PNKD: variants seen among roughly 807,000 people sequenced by gnomAD.
The protein encoded by PNKD is probable thioesterase PNKD.
A neutral mutation model predicts 45.3 loss-of-function variants in PNKD; 36 were observed. The observed-to-expected ratio is 0.80, with a 90% CI of 0.61 to 1.05. The LOEUF (loss-of-function observed/expected upper bound fraction) is 1.05, where lower values mean the gene tolerates loss of function less well. Among genes scored for constraint, PNKD ranks in the 50% least tolerant of loss-of-function variants. The pLI, the probability that PNKD is intolerant of heterozygous loss-of-function variation, is 0.00. For synonymous variants in PNKD, 197 were observed against 210.1 expected (o/e 0.94, Z 0.54); for missense variants, 511 against 506.6 (o/e 1.01, Z -0.08).
intron 2 of PNKD, among the ~76,000 whole-genome samples, chr2:218,312,265 G>A (rs1693636359): frequency 6.6e-6 from 1 of 152,196 alleles, no homozygotes; most frequent in African/African-American, 2.4e-5. Flanking sequence ...TGTTGTGAGA[G>A]CTGAGGGTTA....
intron 7 of PNKD, 104 bp downstream of exon 7, chr2:218,342,248 A>G: frequency 1.1e-6 from 1 of 946,700 alleles, no homozygotes; most frequent in South Asian, 1.4e-5. Flanking sequence ...TTTAGCACAG[A>G]TGTTGCCGTG....
chr2:218,343,125 A>AGG (rs150190908), intron 7 of PNKD, among the ~76,000 whole-genome samples: 12,266 of 152,024 alleles, frequency 0.081, 1,108 homozygotes, highest in African/African-American at 0.22. Context: ...CAGCTAGGTG[A>AGG]GTGGGTGGGT....
chr2:218,338,908 T>C (rs79051868), intron 2 of PNKD, among the ~76,000 whole-genome samples: 16,593 of 150,488 alleles, frequency 0.11, 1,059 homozygotes, highest in Non-Finnish European at 0.14. Flanking sequence ...TCCTCCTGCC[T>C]CAGCTACCTG....
chr2:218,308,724 T>A (rs1394679496), intron 2 of PNKD, among the ~76,000 whole-genome samples: 1 of 151,814 alleles, frequency 6.6e-6, no homozygotes, highest in Non-Finnish European at 1.5e-5. Flanking sequence ...GTAGCTGGGA[T>A]TACAGGAGCT....
chr2:218,345,126 A>G lies in PNKD; in HGVS notation c.*145A>G. The G allele has an allele frequency of 1.5e-6, 1 of 674,272 alleles. No homozygotes were observed. Among genetic ancestry groups the G allele is most frequent in the Non-Finnish European group, 2.5e-6 (1 of 397,370 alleles). 41.8% of individuals were successfully genotyped at this position (674,272 alleles called of 1,614,324 possible). A position where few individuals can be genotyped will look rare whatever the true frequency, so the allele number is the denominator to read the frequency against. On this transcript the variant is annotated 3_prime_UTR_variant, in exon 10 of 10. Coordinates refer to ENST00000273077, the MANE Select transcript of PNKD (RefSeq NM_015488.5). ...CCCCCCACACTGCTCAGGGGAGGGG[A>G]GGGATCAGGCGATGAGACTGTGAGG...
Position 218,340,895 on chromosome 2 carries a change from G to A in PNKD, c.524+109G>A. 4 of 886,860 alleles carry A rather than the reference G, an allele frequency of 4.5e-6. No individual in the cohort carries two copies. Among genetic ancestry groups the A allele is most frequent in the Middle Eastern group, 2.2e-4 (1 of 4,614 alleles). The allele number at this position is 886,860 out of a possible 1,614,324, so 54.9% of individuals were successfully genotyped here. On this transcript the variant is annotated intron_variant, in intron 5 of 9. Coordinates refer to ENST00000273077, the MANE Select transcript of PNKD (RefSeq NM_015488.5). This position sits in a 1 kb window ranked among gnomAD's most constrained non-coding sequence, Gnocchi z 4.2. ...GAGATCAAGAAGTCAGTACGGGCCG[G>A]CACCCGCCTTCCTCGTGAAGTCACC...
At chr2:218,272,739 G>T in intron 2 of PNKD, 1 of 1,614,168 alleles carries the variant, frequency 6.2e-7, no homozygotes, top group Non-Finnish European at 8.5e-7. Context: ...GTCCCCTGAT[G>T]TTGGGTCTGG....
At chr2:218,325,211 T>TTTA (rs1349385622) in intron 2 of PNKD, among the ~76,000 whole-genome samples, 18 of 124,340 alleles carry the variant, frequency 1.4e-4, no homozygotes, top group African/African-American at 5.4e-4. Context: ...TTTTTTTTTT[T>TTTA]TTTTTTTTTT....
At chr2:218,278,213 C>G in intron 2 of PNKD, 1 of 607,610 alleles carries the variant, frequency 1.6e-6, no homozygotes, top group Non-Finnish European at 2.9e-6. Context: ...AACTCTTAAA[C>G]TGACTGCCTG....
intron 2 of PNKD, chr2:218,277,894 C>CA (rs1691404357): frequency 6.2e-7 from 1 of 1,613,526 alleles, no homozygotes; most frequent in Non-Finnish European, 8.5e-7. Flanking sequence ...CAGTCTCCCT[C>CA]ACAGCATCTC....
In PNKD at chr2:218,346,427, A is replaced by T. The variant is rs373344102; in HGVS notation, c.*1446A>T. On this transcript the variant is annotated 3_prime_UTR_variant, in exon 10 of 10. Transcript: ENST00000273077. ...GAGTTCCCCACTCACCAAGCAAGAC[A>T]TGCAGTTTCATGCCTCTGTGCCTTC... The T allele has an allele frequency of 6.5e-6, 1 of 153,762 alleles. No homozygotes were observed. The highest frequency in any genetic ancestry group is 2.1e-4 in the South Asian group (1 of 4,832). The allele number at this position is 153,762 out of a possible 1,614,324, so 9.5% of individuals were successfully genotyped here. A position where few individuals can be genotyped will look rare whatever the true frequency, so the allele number is the denominator to read the frequency against.
chr2:218,328,221 C>T (rs1559527138), intron 2 of PNKD, among the ~76,000 whole-genome samples: 2 of 152,098 alleles, frequency 1.3e-5, no homozygotes, highest in African/African-American at 2.4e-5. Context: ...CTGTTTCTGC[C>T]GGTCGTAATC....
At chr2:218,317,939 T>C (rs1693860101) in intron 2 of PNKD, 1 of 152,276 alleles carries the variant, frequency 6.6e-6, no homozygotes. Flanking sequence ...GTCTCTTTTC[T>C]CTAACATTTA....
At chr2:218,272,604 A>T in intron 2 of PNKD, 1 of 1,613,794 alleles carries the variant, frequency 6.2e-7, no homozygotes, top group African/African-American at 1.3e-5. Flanking sequence ...CCTCCTCTTC[A>T]TCCTCACCAA....
At position 218,344,581 on chromosome 2, in the gene PNKD, C is replaced by T. The variant is rs779135692; in HGVS notation, c.984+11C>T. Reference sequence around the variant, plus strand: ...GAGCGCAAGGGCACGGTGAGGGACTCGGGGTCCAGGAGGAGCTGTGTGGGC... The same window carrying T: ...GAGCGCAAGGGCACGGTGAGGGACTTGGGGTCCAGGAGGAGCTGTGTGGGC... On this transcript the variant is annotated intron_variant, in intron 9 of 9. Transcript: ENST00000273077. 47 of 1,585,816 alleles carry T rather than the reference C, an allele frequency of 3.0e-5. No homozygotes were observed. Among genetic ancestry groups the T allele is most frequent in the Non-Finnish European group, 4.0e-5 (46 of 1,163,478 alleles).
intron 9 of PNKD, 77 bp from the exon 10 acceptor site, chr2:218,344,731 G>C: frequency 1.3e-6 from 2 of 1,493,814 alleles, no homozygotes; most frequent in East Asian, 4.5e-5. Flanking sequence ...GGATGGGGCA[G>C]GGGTCGGGTC....
rs1692741524 is a variant in PNKD at position 218,289,053 on chromosome 2, TG to T, written c.236+17505del. ...CACCTGATTTAAAATTCAGCCTCTT[TG>T]CTTTTATATCAGGCAGGAGTAGAAG... On this transcript the variant is annotated intron_variant, in intron 2 of 9. Coordinates refer to ENST00000273077, the MANE Select transcript of PNKD (RefSeq NM_015488.5). Among the ~76,000 whole-genome samples, 6 of 152,374 alleles carry T rather than the reference TG, an allele frequency of 3.9e-5. 1 individual carries two copies. In the South Asian group the frequency reaches 1.2e-3, roughly 32 times the overall value.
At chr2:218,305,973 C>A (rs1456974649) in intron 2 of PNKD, among the ~76,000 whole-genome samples, 3 of 152,140 alleles carry the variant, frequency 2.0e-5, no homozygotes, top group African/African-American at 7.2e-5. Context: ...GAGAATTGGA[C>A]CTTCATTAGT....
Position 218,326,233 on chromosome 2 carries a change from A to G in PNKD, c.237-13550A>G, listed in dbSNP as rs1416854469. On this transcript the variant is annotated intron_variant, in intron 2 of 9. Coordinates refer to ENST00000273077, the MANE Select transcript of PNKD (RefSeq NM_015488.5). The surrounding 1 kb of genome is among the most constrained non-coding windows in gnomAD (Gnocchi z 4.1). ...GAGGAGAGCTGTTGACCATGTTATC[A>G]TTAGTAATCATCATCCCTGGTGTTT... is the stretch of plus-strand genomic sequence containing the variant. Among the ~76,000 whole-genome samples the G allele has an allele frequency of 6.6e-6, 1 of 152,166 alleles. No individual in the cohort carries two copies. Among genetic ancestry groups the G allele is most frequent in the Non-Finnish European group, 1.5e-5 (1 of 68,026 alleles).
Sources: allele counts gnomAD v4.1 joint callset (sites outside exome capture counted in the v4.1 genomes callset), GRCh38; gene constraint gnomAD v4.1.1; non-coding constraint Gnocchi (gnomAD v3.1); transcripts MANE v1.5; gene names NCBI Gene and HGNC (gene_info 2026-07-23, HGNC 2026-07-21).